Variants in NKTR observed in about 807,000 individuals in gnomAD.
NKTR encodes the protein NK-tumor recognition protein.
In NKTR, 67 loss-of-function variants were observed where a neutral mutation model predicts 156.3. The observed-to-expected ratio is 0.43, with a 90% CI of 0.35 to 0.53. The LOEUF (loss-of-function observed/expected upper bound fraction) is 0.53. Ranked by LOEUF, NKTR falls within the 20% of genes least tolerant of loss-of-function variation. The probability of loss-of-function intolerance (pLI) is 0.01; values close to 1 mark genes in which losing one functional copy is unlikely to be tolerated. For missense variants in NKTR, 1,604 were observed against 1,730.9 expected (o/e 0.93, Z 1.30); for synonymous variants, 640 against 596.6 (o/e 1.07, Z -1.06).
intron 2 of NKTR, chr3:42,602,592 TTC>T (rs1342710586): frequency 1.3e-5 from 2 of 151,682 alleles, no homozygotes; most frequent in Non-Finnish European, 2.9e-5. Context: ...TTTGGTTGCC[TTC>T]TCTCTCTTTT....
chr3:42,639,047 G>A lies in NKTR; in HGVS notation c.3343G>A (p.Val1115Ile), dbSNP rs762377344. Reference protein sequence around the residue: ...LQNIQHVEESVPNGVEDVLQT... With the variant: ...LQNIQHVEESIPNGVEDVLQT... ...AAACATTCAGCACGTTGAAGAAAGT[G>A]TTCCCAATGGAGTGGAAGATGTGCT... Residue 1115 changes from valine to isoleucine, a missense_variant, in exon 13 of 17, where the codon GTT becomes ATT. Transcript: ENST00000232978. 3 of 1,614,110 alleles carry A rather than the reference G, an allele frequency of 1.9e-6. No individual in the cohort carries two copies. Among genetic ancestry groups the A allele is most frequent in the Admixed American group, 3.3e-5 (2 of 60,008 alleles).
At chr3:42,618,891 T>C in intron 3 of NKTR, 129 bp from the exon 4 acceptor site, 1 of 711,352 alleles carries the variant, frequency 1.4e-6, no homozygotes, top group Admixed American at 3.2e-5. Context: ...TCATGTCATC[T>C]ATTTCTTATA....
chr3:42,610,839 T>C (rs1190437021), intron 2 of NKTR, among the ~76,000 whole-genome samples: 1 of 152,208 alleles, frequency 6.6e-6, no homozygotes, highest in African/African-American at 2.4e-5. Flanking sequence ...TTAATGTTAC[T>C]TGAAGATTAG....
chr3:42,632,504 G>T, intron 8 of NKTR, 97 bp from the exon 9 acceptor site: 1 of 726,418 alleles, frequency 1.4e-6, no homozygotes, highest in Non-Finnish European at 2.2e-6. Flanking sequence ...TTTGCTGTAT[G>T]TAAAGCATAT....
chr3:42,607,071 A>C (rs1008873746), intron 2 of NKTR, among the ~76,000 whole-genome samples: 3 of 152,160 alleles, frequency 2.0e-5, no homozygotes, highest in African/African-American at 7.2e-5. Flanking sequence ...CTAAATGATA[A>C]GATTGGTTCT....
rs1258546869 is a variant in NKTR at position 42,637,624 on chromosome 3, A to T, written c.1920A>T (p.Thr640=). 3 of 1,610,664 alleles carry T rather than the reference A, an allele frequency of 1.9e-6. No individual in the cohort carries two copies. The highest frequency in any genetic ancestry group is 1.7e-6 in the Non-Finnish European group (2 of 1,179,090). ...YERIQEMKAK[T]THLLPIQSTY... ...GAATTCAGGAAATGAAAGCTAAAAC[A>T]ACCCATTTGCTACCCATCCAAAGCA... The change falls in exon 13 of 17, where the codon ACA becomes ACT. Residue 640 remains threonine, a synonymous_variant. Coordinates refer to ENST00000232978, the MANE Select transcript of NKTR (RefSeq NM_005385.4).
intron 13 of NKTR, among the ~76,000 whole-genome samples, chr3:42,641,280 T>C (rs763151691): frequency 1.3e-5 from 2 of 152,198 alleles, no homozygotes; most frequent in Non-Finnish European, 2.9e-5. Flanking sequence ...TACAATCTTA[T>C]TAGAACATAA....
intron 6 of NKTR, chr3:42,629,552 C>G (rs1708703451): frequency 1.0e-6 from 1 of 984,456 alleles, no homozygotes. Context: ...ATGGCAGCTT[C>G]TAGTACAGTT....
Position 42,634,656 on chromosome 3 carries a change from T to A in NKTR, c.973T>A (p.Ser325Thr), listed in dbSNP as rs549877503. The A allele has an allele frequency of 1.4e-5, 22 of 1,605,250 alleles. No homozygotes were observed. Among genetic ancestry groups the A allele is most frequent in the Admixed American group, 5.1e-5 (3 of 58,936 alleles). The stretch of plus-strand genomic sequence containing the variant: ...ACCCATTGTAAGTGATCAGAAACCA[T>A]CTGTATCAAAGTCTGGACGGAAGAT... ...VAPIVSDQKP[S>T]VSKSGRKIKG... Residue 325 changes from serine (S) to threonine (T), a missense_variant, in exon 11 of 17, where the codon TCT becomes ACT. Physicochemically the swap from Ser to Thr is moderately conservative, Grantham distance 58. Around this residue, in one of 6 missense-constraint regions of NKTR, gnomAD observed 1,255 missense variants for 1,243.7 expected, o/e 1.01. Coordinates refer to ENST00000232978, the MANE Select transcript of NKTR (RefSeq NM_005385.4).
rs1710398013 is a variant in NKTR, at chr3:42,647,266, T to TAG, written c.*1292_*1293dup. 1.9e-5 allele frequency: 1 copy of TAG among 51,358 alleles called. No homozygotes were observed. Among genetic ancestry groups the TAG allele is most frequent in the Non-Finnish European group, 3.7e-5 (1 of 27,172 alleles). 3.2% of individuals were successfully genotyped at this position (51,358 alleles called of 1,614,324 possible). The stretch of plus-strand genomic sequence containing the variant: ...CAAAAATAATTGGACCTGTAAAAAC[T>TAG]AGTGTGTGTGTGTGTGTGTGTGTGT... On this transcript the variant is annotated 3_prime_UTR_variant, in exon 17 of 17. Transcript: ENST00000232978.
chr3:42,633,228 C>A, intron 9 of NKTR: 1 of 494,422 alleles, frequency 2.0e-6, no homozygotes, highest in Non-Finnish European at 2.8e-6. Flanking sequence ...TTTGTAGAGA[C>A]AGGGTCTTCC....
Position 42,637,283 on chromosome 3 carries a change from T to C in NKTR, c.1579T>C (p.Ser527Pro). The change falls in exon 13 of 17, where the codon TCT becomes CCT. Residue 527 changes from serine (S) to proline (P), a missense_variant. Ser to Pro is a moderately conservative substitution (Grantham distance 74). Coordinates refer to ENST00000232978, the MANE Select transcript of NKTR (RefSeq NM_005385.4). ...DSYRSKSHSQ[S>P]YSRGSSRSRT... is the part of the protein sequence containing the mutation. ...ATACAGATCAAAATCTCACTCACAG[T>C]CTTATTCTAGAGGAAGCTCAAGATC... The C allele has an allele frequency of 4.3e-6, 7 of 1,614,034 alleles. No individual in the cohort carries two copies. The highest frequency in any genetic ancestry group is 5.9e-6 in the Non-Finnish European group (7 of 1,179,994).
chr3:42,625,835 CTTAATG>C (rs1708329128), intron 6 of NKTR, among the ~76,000 whole-genome samples: 1 of 152,074 alleles, frequency 6.6e-6, no homozygotes, highest in South Asian at 2.1e-4. Context: ...GGCTTAATAA[CTTAATG>C]TTTATGTGAC....
Position 42,638,023 on chromosome 3 carries a change from T to C in NKTR, c.2319T>C (p.His773=), listed in dbSNP as rs778317099. ...AAAATAGCGTTTCACATAAAAAGCA[T>C]AGCAGCAGCTCTGAAAAGACACTTC... is the stretch of plus-strand genomic sequence containing the variant. ...GKKNSVSHKK[H]SSSSEKTLHS... is the part of the protein sequence containing the mutation. The change falls in exon 13 of 17, where the codon CAT becomes CAC. Residue 773 remains histidine (H), a synonymous_variant. Coordinates refer to ENST00000232978, the MANE Select transcript of NKTR (RefSeq NM_005385.4). 9.9e-6 allele frequency: 16 copies of C among 1,614,080 alleles called. No homozygotes were observed. Among genetic ancestry groups the C allele is most frequent in the Non-Finnish European group, 1.3e-5 (15 of 1,180,034 alleles).
intron 2 of NKTR, among the ~76,000 whole-genome samples, chr3:42,615,870 T>C (rs1440862992): frequency 6.6e-6 from 1 of 152,218 alleles, no homozygotes; most frequent in Non-Finnish European, 1.5e-5. Context: ...ATAGGGTTTT[T>C]TTTTAATTCT....
intron 6 of NKTR, among the ~76,000 whole-genome samples, chr3:42,626,663 C>T (rs945982150): frequency 6.6e-6 from 1 of 152,198 alleles, no homozygotes; most frequent in East Asian, 1.9e-4. Flanking sequence ...TGTTGTGATA[C>T]GTCACCAAAC....
At chr3:42,631,987 C>T (rs7617736) in intron 8 of NKTR, among the ~76,000 whole-genome samples, 26,203 of 151,752 alleles carry the variant, frequency 0.17, 2,780 homozygotes, top group African/African-American at 0.3. Context: ...TAAACTACCC[C>T]TAGTCTTCCT....
rs1427595299 is a variant in NKTR, at chr3:42,646,397, T to C, written c.*422T>C. 5.8e-6 allele frequency: 1 copy of C among 172,210 alleles called. No individual in the cohort carries two copies. The highest frequency in any genetic ancestry group is 2.4e-5 in the African/African-American group (1 of 41,902). 10.7% of individuals were successfully genotyped at this position (172,210 alleles called of 1,614,324 possible). On this transcript the variant is annotated 3_prime_UTR_variant, in exon 17 of 17. Transcript: ENST00000232978. ...ACTGTTAAAGGCGGCCAAATATTTA[T>C]ATACTGATTACATAGAGTCTTGTAC...
rs571098531 is a variant in NKTR, at chr3:42,633,059, A to T, written c.773+236A>T. The T allele has an allele frequency of 2.2e-5, 26 of 1,173,000 alleles. No homozygotes were observed. In the African/African-American group the frequency reaches 4.0e-4, roughly 18 times the overall value. The allele number at this position is 1,173,000 out of a possible 1,614,324, so 72.7% of individuals were successfully genotyped here. ...TAGTCCTAAGAACTCTTTTTTTAAG[A>T]GATAGGGTCTTGCTCTGTTATCCAG... On this transcript the variant is annotated intron_variant, in intron 9 of 16. Coordinates refer to ENST00000232978, the MANE Select transcript of NKTR (RefSeq NM_005385.4).
Sources: gnomAD v4.1 joint callset for allele counts (sites outside exome capture counted in the v4.1 genomes callset) on GRCh38, gnomAD v4.1.1 for gene constraint, gnomAD v4.1.1 regional missense constraint, MANE v1.5 for transcripts, NCBI Gene and HGNC (gene_info 2026-07-23, HGNC 2026-07-21) for gene names.